RGS8: variants seen among roughly 807,000 people sequenced by gnomAD.
The protein encoded by RGS8 is regulator of G-protein signaling 8.
A neutral mutation model predicts 21.7 loss-of-function variants in RGS8; 8 were observed. The ratio of observed to expected loss-of-function variants is 0.37; its 90% CI spans 0.22 to 0.66. The LOEUF is 0.66. Ranked by LOEUF, RGS8 falls within the 30% of genes least tolerant of loss-of-function variation. The pLI, the probability that RGS8 is intolerant of heterozygous loss-of-function variation, is 0.59. For synonymous variants in RGS8, 80 were observed against 83.6 expected (o/e 0.96, Z 0.24); for missense variants, 157 against 217.9 (o/e 0.72, Z 1.76).
chr1:182,642,646 A>C (rs1050689363), downstream of RGS8: 7 of 152,462 alleles, frequency 4.6e-5, no homozygotes, highest in African/African-American at 1.7e-4. Flanking sequence ...TGCTCAGCTC[A>C]AGTGCCCAGG....
chr1:182,692,855 G>A, the RGS8 span, among the ~76,000 whole-genome samples: 3 of 152,138 alleles, frequency 2.0e-5, no homozygotes, highest in South Asian at 4.2e-4. Flanking sequence ...CTTTGAAAAA[G>A]CCCTCAAAAA....
At chr1:182,742,747 GAGGGAC>G in the RGS8 span, among the ~76,000 whole-genome samples, 46 of 150,412 alleles carry the variant, frequency 3.1e-4, no homozygotes, top group African/African-American at 7.8e-4. Context: ...GGGAGAGGGA[GAGGGAC>G]AGGGACAGGG....
chr1:182,670,850 T>G (rs1315740088), intron 2 of RGS8, among the ~76,000 whole-genome samples: 1 of 152,172 alleles, frequency 6.6e-6, no homozygotes, highest in African/African-American at 2.4e-5. Flanking sequence ...TCCTTAATCT[T>G]TCTCCTAACC....
exon 4 of RGS8, chr1:182,666,958 C>A (rs1663895676): frequency 1.9e-6 from 3 of 1,613,916 alleles, no homozygotes; most frequent in Non-Finnish European, 2.5e-6. Context: ...CCAGTCGAGT[C>A]CTCATCCCTT....
At chr1:182,672,932 C>G, upstream of RGS8, 1 of 1,317,086 alleles carries the variant, frequency 7.6e-7, no homozygotes, top group Non-Finnish European at 1.1e-6. Context: ...GTCAGCATCA[C>G]CTGAGAAGTA....
chr1:182,669,666 G>A (rs773807403), exon 3 of RGS8: 57 of 1,614,096 alleles, frequency 3.5e-5, no homozygotes, highest in Admixed American at 1.3e-4. Context: ...ATCAGCTTAC[G>A]GTTAACCCTT....
At chr1:182,713,040 G>A in the RGS8 span, among the ~76,000 whole-genome samples, 1 of 152,174 alleles carries the variant, frequency 6.6e-6, no homozygotes, top group African/African-American at 2.4e-5. Flanking sequence ...TATAAGATAA[G>A]AATTGGCCAA....
At chr1:182,729,330 G>A in the RGS8 span, among the ~76,000 whole-genome samples, 1 of 152,186 alleles carries the variant, frequency 6.6e-6, no homozygotes, top group Non-Finnish European at 1.5e-5. Context: ...TCAGAGGGCA[G>A]CTCTTCTGCC....
At chr1:182,666,418 T>A (rs974369509) in intron 4 of RGS8, among the ~76,000 whole-genome samples, 1 of 152,224 alleles carries the variant, frequency 6.6e-6, no homozygotes, top group Non-Finnish European at 1.5e-5. Flanking sequence ...GAAATGGGGA[T>A]AATGATGCCC....
At chr1:182,739,684 T>C in the RGS8 span, among the ~76,000 whole-genome samples, 3 of 152,054 alleles carry the variant, frequency 2.0e-5, no homozygotes, top group African/African-American at 7.2e-5. Context: ...ATGTAGACAG[T>C]GCTGTTTCCA....
chr1:182,669,816 T>C (rs1463777855), intron 2 of RGS8, 64 bp from the exon 4 acceptor site: 2 of 1,455,284 alleles, frequency 1.4e-6, no homozygotes, highest in South Asian at 1.5e-5. Flanking sequence ...CTACATTTCC[T>C]CTCAGACGGG....
upstream of RGS8, among the ~76,000 whole-genome samples, chr1:182,687,993 TATG>T (rs1402423152): frequency 6.6e-6 from 1 of 152,070 alleles, no homozygotes; most frequent in Non-Finnish European, 1.5e-5. Context: ...TACACTGACT[TATG>T]ATAAACTGCA....
At chr1:182,670,811 G>A (rs778815969) in intron 2 of RGS8, among the ~76,000 whole-genome samples, 14 of 152,266 alleles carry the variant, frequency 9.2e-5, no homozygotes, top group South Asian at 2.1e-4. Context: ...CCATTGTCAC[G>A]GATTGTGTTC....
At chr1:182,749,430 G>T in the RGS8 span, among the ~76,000 whole-genome samples, 1 of 152,076 alleles carries the variant, frequency 6.6e-6, no homozygotes, top group Non-Finnish European at 1.5e-5. Context: ...TCTCTTTTCT[G>T]TTCCTTTGGT....
intron 5 of RGS8, among the ~76,000 whole-genome samples, chr1:182,653,355 G>A (rs142652481): frequency 3.3e-5 from 5 of 152,172 alleles, no homozygotes; most frequent in African/African-American, 1.2e-4. Context: ...AGCATAGCTG[G>A]AAGGAAACAT....
intron 5 of RGS8, among the ~76,000 whole-genome samples, chr1:182,665,342 A>G (rs185960786): frequency 6.6e-6 from 1 of 152,306 alleles, no homozygotes; most frequent in African/African-American, 2.4e-5. Context: ...ACACCACAAT[A>G]TGCACAACTA....
intron 5 of RGS8, among the ~76,000 whole-genome samples, chr1:182,663,039 G>A (rs777676432): frequency 2.0e-5 from 3 of 152,132 alleles, no homozygotes; most frequent in Non-Finnish European, 4.4e-5. Flanking sequence ...ACCAGGGAGT[G>A]GGTTCTAGAC....
At chr1:182,685,176 T>C (rs769279397), upstream of RGS8, among the ~76,000 whole-genome samples, 1 of 151,948 alleles carries the variant, frequency 6.6e-6, no homozygotes, top group Non-Finnish European at 1.5e-5. Context: ...CAAACAAGCC[T>C]GACTGTCCCC....
In RGS8 at chr1:182,683,378, C is replaced by G. The variant is rs779904183; in HGVS notation, n.221+978G>C. 2.0e-5 allele frequency among the ~76,000 whole-genome samples: 3 copies of G among 152,126 alleles called. No homozygotes were observed. The East Asian group carries it at 5.8e-4, about 29-fold the overall frequency. ...AATACAGTTATCTCACTCCCACTTG[C>G]CAGCACCTCCTCCATTTTCCAGGAA... On this transcript the variant is annotated intron_variant and non_coding_transcript_variant, in intron 1 of 4. Transcript: ENST00000515211.
Sources: allele counts gnomAD v4.1 joint callset (sites outside exome capture counted in the v4.1 genomes callset), GRCh38; gene constraint gnomAD v4.1.1; transcripts MANE v1.5; gene names NCBI Gene and HGNC (gene_info 2026-07-23, HGNC 2026-07-21).